The following TBCC variants were observed in gnomAD, a reference collection of about 807,000 sequenced individuals.
TBCC encodes tubulin-specific chaperone C.
TBCC carries 25 observed loss-of-function variants against 25.3 expected under a neutral mutation model. The observed-to-expected ratio is 0.99, with a 90% CI of 0.72 to 1.38. TBCC has a LOEUF of 1.38. Among genes scored for constraint, TBCC ranks in the 40% most tolerant of loss-of-function variants. The pLI, the probability that TBCC is intolerant of heterozygous loss-of-function variation, is 0.00. For synonymous variants in TBCC, 226 were observed against 192.8 expected, an observed-to-expected ratio of 1.17 and a Z score of -1.43; for missense variants, 507 against 447.2, an observed-to-expected ratio of 1.13 and a Z score of -1.21.
Position 42,745,884 on chromosome 6 carries a change from A to AG in TBCC, c.189dup (p.Phe64LeufsTer100). The stretch of plus-strand genomic sequence containing the variant: ...TCCACGGCCGCTCGCTCCCGAACAA[A>AG]GGTGGCGACGAAAAAGTGGCTGTTC... On this transcript the variant is annotated frameshift_variant, in exon 1 of 1. Transcript: ENST00000372876. LOFTEE classifies it high-confidence loss of function. This position sits in a 1 kb window ranked among gnomAD's most constrained non-coding sequence, Gnocchi z 4.2. 6.2e-7 allele frequency: 1 copy of AG among 1,614,070 alleles called. No individual in the cohort carries two copies. The highest frequency in any genetic ancestry group is 8.5e-7 in the Non-Finnish European group (1 of 1,180,036).
chr6:42,745,894 G>GA lies in TBCC; in HGVS notation c.179dup (p.Val61ArgfsTer103), dbSNP rs761198701. 6.2e-7 allele frequency: 1 copy of GA among 1,613,840 alleles called. No homozygotes were observed. The highest frequency in any genetic ancestry group is 8.5e-7 in the Non-Finnish European group (1 of 1,179,982). On this transcript the variant is annotated frameshift_variant, in exon 1 of 1. Coordinates refer to ENST00000372876, the MANE Select transcript of TBCC (RefSeq NM_003192.3). LOFTEE classifies it high-confidence loss of function. This position sits in a 1 kb window ranked among gnomAD's most constrained non-coding sequence, Gnocchi z 4.2. The stretch of plus-strand genomic sequence containing the variant: ...CTCGCTCCCGAACAAAGGTGGCGAC[G>GA]AAAAAGTGGCTGTTCTCCTTCTCTA...
rs2234030 is a variant in TBCC at position 42,745,312 on chromosome 6, C to A, written c.762G>T (p.Leu254=). The change falls in exon 1 of 1, where the codon CTG becomes CTT. Residue 254 remains leucine (L), a synonymous_variant. Transcript: ENST00000372876. The surrounding 1 kb of genome is among the most constrained non-coding windows in gnomAD (Gnocchi z 4.2). ...TGCGGAGCTGTTGGCAGGCCACTGC[C>A]AGCACGCAGTCACTGCAGTCCTCCA... ...VFLEDCSDCV[L]AVACQQLRIH... 2.5e-3 allele frequency: 4,038 copies of A among 1,614,224 alleles called. 66 individuals carry two copies. The East Asian group carries it at 0.047, about 19-fold the overall frequency.
At position 42,745,733 on chromosome 6, in the gene TBCC, T is replaced by A; in HGVS notation, c.341A>T (p.Gln114Leu). Reference protein sequence around the residue: ...FLAAYDLRQGQEALARLQAAL... With the variant: ...FLAAYDLRQGLEALARLQAAL... ...CGCCTGCAGCCGCGCCAGCGCCTCT[T>A]GTCCCTGCCGCAGGTCGTAAGCGGC... Residue 114 changes from glutamine (Q) to leucine (L), a missense_variant, in exon 1 of 1, where the codon CAA becomes CTA. Coordinates refer to ENST00000372876, the MANE Select transcript of TBCC (RefSeq NM_003192.3). This position sits in a 1 kb window ranked among gnomAD's most constrained non-coding sequence, Gnocchi z 4.2. 1 of 1,613,822 alleles carries A rather than the reference T, an allele frequency of 6.2e-7. No homozygotes were observed. The highest frequency in any genetic ancestry group is 8.5e-7 in the Non-Finnish European group (1 of 1,179,938).
chr6:42,746,013 C>T lies in TBCC; in HGVS notation c.61G>A (p.Asp21Asn), dbSNP rs1397327211. ...VRTGDMESQR[D>N]LSLVPERLQR... ...AGCCGCTCAGGCACCAGGCTCAGGT[C>T]CCGCTGGGACTCCATGTCTCCGGTC... The change falls in exon 1 of 1, where the codon GAC becomes AAC. Residue 21 changes from aspartate to asparagine, a missense_variant. Coordinates refer to ENST00000372876, the MANE Select transcript of TBCC (RefSeq NM_003192.3). 2 of 1,614,212 alleles carry T rather than the reference C, an allele frequency of 1.2e-6. No homozygotes were observed. Among genetic ancestry groups the T allele is most frequent in the Non-Finnish European group, 1.7e-6 (2 of 1,180,048 alleles).
At position 42,745,202 on chromosome 6, in the gene TBCC, G is replaced by A. The variant is rs1400018951; in HGVS notation, c.872C>T (p.Pro291Leu). The A allele has an allele frequency of 6.2e-7, 1 of 1,614,208 alleles. No individual in the cohort carries two copies. Among genetic ancestry groups the A allele is most frequent in the Admixed American group, 1.7e-5 (1 of 60,020 alleles). Residue 291 changes from proline to leucine, a missense_variant, in exon 1 of 1, where the codon CCT becomes CTT. Pro to Leu is a moderately conservative substitution (Grantham distance 98). Coordinates refer to ENST00000372876, the MANE Select transcript of TBCC (RefSeq NM_003192.3). This position sits in a 1 kb window ranked among gnomAD's most constrained non-coding sequence, Gnocchi z 4.2. ...VEDCSGIQFA[P>L]YTWSYPEIDK... Reference sequence around the variant, plus strand: ...GATCTCCGGGTAGCTCCAGGTGTAAGGGGCGAACTGGATCCCACTGCAGTC... The same window carrying A: ...GATCTCCGGGTAGCTCCAGGTGTAAAGGGCGAACTGGATCCCACTGCAGTC...
At position 42,745,180 on chromosome 6, in the gene TBCC, C is replaced by A; in HGVS notation, c.894G>T (p.Glu298Asp). Residue 298 changes from glutamate to aspartate, a missense_variant, in exon 1 of 1, where the codon GAG becomes GAT. Glu to Asp is a conservative substitution (Grantham distance 45). Coordinates refer to ENST00000372876, the MANE Select transcript of TBCC (RefSeq NM_003192.3). The surrounding 1 kb of genome is among the most constrained non-coding windows in gnomAD (Gnocchi z 4.2). The part of the protein sequence containing the change: ...QFAPYTWSYP[E>D]IDKDFESSGL... The stretch of plus-strand genomic sequence containing the variant: ...CAGAGCTCTCGAAGTCCTTGTCGAT[C>A]TCCGGGTAGCTCCAGGTGTAAGGGG... 6.2e-7 allele frequency: 1 copy of A among 1,614,240 alleles called. No homozygotes were observed. Among genetic ancestry groups the A allele is most frequent in the Non-Finnish European group, 8.5e-7 (1 of 1,180,042 alleles).
chr6:42,745,238 G>A lies in TBCC; in HGVS notation c.836C>T (p.Ala279Val), dbSNP rs1267178448. ...GATCCCACTGCAGTCCTCCACGATG[G>A]CCCTGCTGGTCACCTGCAGGAAGAT... ...TRIFLQVTSRAIVEDCSGIQF... is the reference protein window; with the variant it reads ...TRIFLQVTSRVIVEDCSGIQF... The change falls in exon 1 of 1, where the codon GCC (alanine) becomes GTC (valine). Residue 279 changes from alanine (A) to valine (V), a missense_variant. By Grantham distance (64) the Ala-to-Val change is moderately conservative. Transcript: ENST00000372876. This position sits in a 1 kb window ranked among gnomAD's most constrained non-coding sequence, Gnocchi z 4.2. 1 of 1,614,050 alleles carries A rather than the reference G, an allele frequency of 6.2e-7. No homozygotes were observed. The highest frequency in any genetic ancestry group is 1.3e-5 in the African/African-American group (1 of 74,942).
At position 42,745,590 on chromosome 6, in the gene TBCC, C is replaced by A. The variant is rs769836035; in HGVS notation, c.484G>T (p.Val162Phe). The A allele has an allele frequency of 1.2e-6, 2 of 1,611,614 alleles. No homozygotes were observed. The highest frequency in any genetic ancestry group is 8.5e-7 in the Non-Finnish European group (1 of 1,178,526). The part of the protein sequence containing the change: ...VDAAPGIPPA[V>F]ESIQDSPLPK... ...AGCGGGGAGTCCTGTATGCTTTCAACTGCCGGGGGGATGCCAGGAGCCGCG... is the reference window on the plus strand; with the variant it reads ...AGCGGGGAGTCCTGTATGCTTTCAAATGCCGGGGGGATGCCAGGAGCCGCG... The change falls in exon 1 of 1, where the codon GTT becomes TTT. Residue 162 changes from valine (V) to phenylalanine (F), a missense_variant. Val to Phe is a conservative substitution (Grantham distance 50). Transcript: ENST00000372876. The surrounding 1 kb of genome is among the most constrained non-coding windows in gnomAD (Gnocchi z 4.2).
chr6:42,745,147 A>G lies in TBCC; in HGVS notation c.927T>C (p.Asp309=). The G allele has an allele frequency of 6.2e-7, 1 of 1,614,196 alleles. No individual in the cohort carries two copies. Residue 309 remains aspartate, a synonymous_variant, in exon 1 of 1, where the codon GAT becomes GAC. Transcript: ENST00000372876. This position sits in a 1 kb window ranked among gnomAD's most constrained non-coding sequence, Gnocchi z 4.2. ...IDKDFESSGL[D]RSKNNWNDVD... ...CATCGTTCCAGTTATTTTTGCTCCT[A>G]TCTAAACCAGAGCTCTCGAAGTCCT...
Position 42,746,085 on chromosome 6 carries a change from G to C in TBCC, c.-12C>G, listed in dbSNP as rs778485797. 10 of 1,605,026 alleles carry C rather than the reference G, an allele frequency of 6.2e-6. No individual in the cohort carries two copies. The highest frequency in any genetic ancestry group is 8.5e-6 in the Non-Finnish European group (10 of 1,174,364). On this transcript the variant is annotated 5_prime_UTR_variant, in exon 1 of 1. Coordinates refer to ENST00000372876, the MANE Select transcript of TBCC (RefSeq NM_003192.3). Reference sequence around the variant, plus strand: ...CTGACGGACTCCATATTGGCTTCAAGCTTCCTCTCTCTTGTCTTCCTTCCT... The same window carrying C: ...CTGACGGACTCCATATTGGCTTCAACCTTCCTCTCTCTTGTCTTCCTTCCT...
rs751173810 is a variant in TBCC at position 42,746,089 on chromosome 6, CCT to C, written c.-18_-17del. On this transcript the variant is annotated 5_prime_UTR_variant, in exon 1 of 1. Transcript: ENST00000372876. Reference sequence around the variant, plus strand: ...CGGACTCCATATTGGCTTCAAGCTTCCTCTCTCTTGTCTTCCTTCCTCCGGGC... The same window carrying C: ...CGGACTCCATATTGGCTTCAAGCTTCCTCTCTTGTCTTCCTTCCTCCGGGC... The C allele has an allele frequency of 1.5e-5, 24 of 1,603,258 alleles. No homozygotes were observed. Among genetic ancestry groups the C allele is most frequent in the Non-Finnish European group, 2.0e-5 (23 of 1,173,382 alleles).
In TBCC at chr6:42,746,077, G is replaced by A. The variant is rs1038304114; in HGVS notation, c.-4C>T. On this transcript the variant is annotated 5_prime_UTR_variant, in exon 1 of 1. Transcript: ENST00000372876. ...CGGAGCAACTGACGGACTCCATATT[G>A]GCTTCAAGCTTCCTCTCTCTTGTCT... The A allele has an allele frequency of 3.7e-6, 6 of 1,607,614 alleles. No individual in the cohort carries two copies. The highest frequency in any genetic ancestry group is 1.7e-5 in the Admixed American group (1 of 59,304).
Position 42,744,544 on chromosome 6 carries a change from A to G in TBCC, c.*489T>C, listed in dbSNP as rs1762224292. 1 of 153,140 alleles carries G rather than the reference A, an allele frequency of 6.5e-6. No homozygotes were observed. Among genetic ancestry groups the G allele is most frequent in the South Asian group, 2.0e-4 (1 of 4,942 alleles). 9.5% of individuals were successfully genotyped at this position (153,140 alleles called of 1,614,324 possible). A position where few individuals can be genotyped will look rare whatever the true frequency, so the allele number is the denominator to read the frequency against. ...TATGCACCGTGATGTTTCAAGTATC[A>G]CAAACCATTACAAAGCAATATAATC... On this transcript the variant is annotated 3_prime_UTR_variant, in exon 1 of 1. Transcript: ENST00000372876.
At position 42,745,673 on chromosome 6, in the gene TBCC, T is replaced by C; in HGVS notation, c.401A>G (p.Lys134Arg). 6.2e-7 allele frequency: 1 copy of C among 1,611,944 alleles called. No individual in the cohort carries two copies. Among genetic ancestry groups the C allele is most frequent in the South Asian group, 1.1e-5 (1 of 90,978 alleles). Residue 134 changes from lysine to arginine, a missense_variant, in exon 1 of 1, where the codon AAG (lysine) becomes AGG (arginine). Transcript: ENST00000372876. The surrounding 1 kb of genome is among the most constrained non-coding windows in gnomAD (Gnocchi z 4.2). ...CCGGGTCTTGAAAGCGAAACGCTTC[T>C]TGGGCTGCAGCCCCCGGCGCCGCTC... is the stretch of plus-strand genomic sequence containing the variant. ...LAERRRGLQP[K>R]KRFAFKTRGK...
At position 42,744,883 on chromosome 6, in the gene TBCC, G is replaced by A. The variant is rs545586486; in HGVS notation, c.*150C>T. 1.9e-4 allele frequency: 143 copies of A among 751,622 alleles called. No individual in the cohort carries two copies. Among genetic ancestry groups the A allele is most frequent in the South Asian group, 3.3e-4 (17 of 52,232 alleles). The allele number at this position is 751,622 out of a possible 1,614,324, so 46.6% of individuals were successfully genotyped here. A position where few individuals can be genotyped will look rare whatever the true frequency, so the allele number is the denominator to read the frequency against. On this transcript the variant is annotated 3_prime_UTR_variant, in exon 1 of 1. Coordinates refer to ENST00000372876, the MANE Select transcript of TBCC (RefSeq NM_003192.3). The stretch of plus-strand genomic sequence containing the variant: ...TGTTATACCTGTTACGAATTTAATG[G>A]AAATTACAAGTAGGAGCCCATTACA...
rs752178603 is a variant in TBCC at position 42,745,315 on chromosome 6, C to G, written c.759G>C (p.Val253=). The G allele has an allele frequency of 6.2e-7, 1 of 1,614,234 alleles. No homozygotes were observed. The highest frequency in any genetic ancestry group is 1.7e-5 in the Admixed American group (1 of 60,022). The stretch of plus-strand genomic sequence containing the variant: ...GGAGCTGTTGGCAGGCCACTGCCAG[C>G]ACGCAGTCACTGCAGTCCTCCAGGA... ...SVFLEDCSDC[V]LAVACQQLRI... Residue 253 remains valine, a synonymous_variant, in exon 1 of 1, where the codon GTG becomes GTC. Transcript: ENST00000372876. The surrounding 1 kb of genome is among the most constrained non-coding windows in gnomAD (Gnocchi z 4.2).
chr6:42,746,020 G>A lies in TBCC; in HGVS notation c.54C>T (p.Ser18=). ...AAAVRTGDME[S]QRDLSLVPER... Reference sequence around the variant, plus strand: ...CAGGCACCAGGCTCAGGTCCCGCTGGGACTCCATGTCTCCGGTCCTGACAG... The same window carrying A: ...CAGGCACCAGGCTCAGGTCCCGCTGAGACTCCATGTCTCCGGTCCTGACAG... The change falls in exon 1 of 1, where the codon TCC becomes TCT. Residue 18 remains serine, a synonymous_variant. Coordinates refer to ENST00000372876, the MANE Select transcript of TBCC (RefSeq NM_003192.3). 2 of 1,614,182 alleles carry A rather than the reference G, an allele frequency of 1.2e-6. No individual in the cohort carries two copies. The highest frequency in any genetic ancestry group is 2.2e-5 in the East Asian group (1 of 44,886).
chr6:42,745,240 C>T lies in TBCC; in HGVS notation c.834G>A (p.Arg278=), dbSNP rs770257097. 5 of 1,614,182 alleles carry T rather than the reference C, an allele frequency of 3.1e-6. No homozygotes were observed. The highest frequency in any genetic ancestry group is 4.2e-6 in the Non-Finnish European group (5 of 1,180,032). The change falls in exon 1 of 1, where the codon AGG becomes AGA. Residue 278 remains arginine, a synonymous_variant. Transcript: ENST00000372876. The surrounding 1 kb of genome is among the most constrained non-coding windows in gnomAD (Gnocchi z 4.2). ...DTRIFLQVTS[R]AIVEDCSGIQ... Reference sequence around the variant, plus strand: ...TCCCACTGCAGTCCTCCACGATGGCCCTGCTGGTCACCTGCAGGAAGATGC... The same window carrying T: ...TCCCACTGCAGTCCTCCACGATGGCTCTGCTGGTCACCTGCAGGAAGATGC...
Position 42,745,041 on chromosome 6 carries a change from A to G in TBCC, c.1033T>C (p.Trp345Arg). 6.2e-7 allele frequency: 1 copy of G among 1,613,794 alleles called. No homozygotes were observed. Among genetic ancestry groups the G allele is most frequent in the Non-Finnish European group, 8.5e-7 (1 of 1,179,784 alleles). Residue 345 changes from tryptophan to arginine, a missense_variant, in exon 1 of 1, where the codon TGG becomes CGG. Coordinates refer to ENST00000372876, the MANE Select transcript of TBCC (RefSeq NM_003192.3). The surrounding 1 kb of genome is among the most constrained non-coding windows in gnomAD (Gnocchi z 4.2). ...ILPEEERNIQ[W>R]D ...AACAGAGTGACAACTGCTTAGTCCC[A>G]CTGGATATTTCGCTCCTCTTCAGGA...
Sources: allele counts gnomAD v4.1 joint callset, GRCh38; gene constraint gnomAD v4.1.1; non-coding constraint Gnocchi (gnomAD v3.1); transcripts MANE v1.5; gene names NCBI Gene and HGNC (gene_info 2026-07-23, HGNC 2026-07-21).